Variants in MED25 observed in about 807,000 individuals in gnomAD.
The protein encoded by MED25 is mediator of RNA polymerase II transcription subunit 25.
Under a neutral mutation model 89.4 loss-of-function variants are expected in MED25, and 62 were observed. The observed-to-expected ratio is 0.69, with a 90% CI of 0.57 to 0.86. The LOEUF (loss-of-function observed/expected upper bound fraction) is 0.86. Ranked by LOEUF, MED25 falls within the 40% of genes least tolerant of loss-of-function variation. MED25 has a pLI of 0.00. For missense variants in MED25, 905 were observed against 1,005.2 expected (o/e 0.90, Z 1.35); for synonymous variants, 449 against 427.9 (o/e 1.05, Z -0.61).
rs574558795 is a variant in MED25, at chr19:49,828,433, C to T, written c.306-16C>T. 1.9e-5 allele frequency: 30 copies of T among 1,599,360 alleles called. No homozygotes were observed. The East Asian group carries it at 2.7e-4, about 14-fold the overall frequency. The stretch of plus-strand genomic sequence containing the variant: ...GATGATGGCAACCCTGGGGGCTGAC[C>T]GCTCTGCCCCTGCAGGTTCATGGGC... On this transcript the variant is annotated splice_polypyrimidine_tract_variant and intron_variant, in intron 3 of 17. Coordinates refer to ENST00000312865, the MANE Select transcript of MED25 (RefSeq NM_030973.4).
chr19:49,839,293 T>C (rs80304334), downstream of MED25: 36 of 167,246 alleles, frequency 2.2e-4, no homozygotes, highest in East Asian at 5.4e-3. Context: ...GACAGCGTCA[T>C]GACAGGGGGA....
Position 49,832,300 on chromosome 19 carries a change from TC to T in MED25, c.1375-5del. The T allele has an allele frequency of 6.3e-7, 1 of 1,592,864 alleles. No individual in the cohort carries two copies. The highest frequency in any genetic ancestry group is 8.6e-7 in the Non-Finnish European group (1 of 1,165,290). ...CAGCATGCCAGCCGACTTCTGTGTC[TC>T]CCGCAGACCACCCTGGGCCCTTTGT... On this transcript the variant is annotated splice_region_variant and splice_polypyrimidine_tract_variant and intron_variant, in intron 12 of 17. Transcript: ENST00000312865.
chr19:49,826,376 G>A (rs766612491), intron 3 of MED25, among the ~76,000 whole-genome samples: 13 of 152,208 alleles, frequency 8.5e-5, no homozygotes, highest in Non-Finnish European at 1.8e-4. Flanking sequence ...GGAAGAGGAG[G>A]GCTGGGAAGT....
chr19:49,837,402 G>A (rs1415378527), downstream of MED25, among the ~76,000 whole-genome samples: 1 of 152,262 alleles, frequency 6.6e-6, no homozygotes, highest in East Asian at 1.9e-4. Context: ...TTTGGAGCAT[G>A]AGCATGTAGG....
In MED25 at chr19:49,830,606, C is replaced by G. The variant is rs755131511; in HGVS notation, c.907+8C>G. 1 of 1,614,066 alleles carries G rather than the reference C, an allele frequency of 6.2e-7. No individual in the cohort carries two copies. The highest frequency in any genetic ancestry group is 1.7e-5 in the Admixed American group (1 of 60,026). On this transcript the variant is annotated splice_region_variant and intron_variant, in intron 8 of 17. Coordinates refer to ENST00000312865, the MANE Select transcript of MED25 (RefSeq NM_030973.4). This position sits in a 1 kb window ranked among gnomAD's most constrained non-coding sequence, Gnocchi z 4.6. Reference sequence around the variant, plus strand: ...CTGGGCTGGGCCCTCGCTGTGAGTCCTGGAGTGAGGATGAAGGGCGGGCAG... The same window carrying G: ...CTGGGCTGGGCCCTCGCTGTGAGTCGTGGAGTGAGGATGAAGGGCGGGCAG...
Position 49,830,701 on chromosome 19 carries a change from C to A in MED25, c.915C>A (p.Pro305=), listed in dbSNP as rs745821423. The change falls in exon 9 of 18, where the codon CCC becomes CCA. Residue 305 remains proline, a synonymous_variant. Coordinates refer to ENST00000312865, the MANE Select transcript of MED25 (RefSeq NM_030973.4). The surrounding 1 kb of genome is among the most constrained non-coding windows in gnomAD (Gnocchi z 4.6). ...CCTTGGTCTCTCCCACAGTCTCGCC[C>A]ATCACCCCTCTCCAACAAGCTGCTC... ...QKAGLGPRFS[P]ITPLQQAAPG... The A allele has an allele frequency of 1.9e-6, 3 of 1,614,054 alleles. No individual in the cohort carries two copies. Among genetic ancestry groups the A allele is most frequent in the Non-Finnish European group, 2.5e-6 (3 of 1,179,950 alleles).
rs145108667 is a variant in MED25 at position 49,831,661 on chromosome 19, C to G, written c.1230+200C>G. 2.4e-3 allele frequency among the ~76,000 whole-genome samples: 372 copies of G among 152,224 alleles called. 1 individual carries two copies. Among genetic ancestry groups the G allele is most frequent in the Admixed American group, 3.6e-3 (55 of 15,296 alleles). ...TGCGGTACAGAGGAGAGTCCCCATG[C>G]AAAGAACCCAGAAAAGCCCAGGATT... On this transcript the variant is annotated intron_variant, in intron 10 of 17. Coordinates refer to ENST00000312865, the MANE Select transcript of MED25 (RefSeq NM_030973.4). The surrounding 1 kb of genome is among the most constrained non-coding windows in gnomAD (Gnocchi z 5.0).
At chr19:49,822,048 G>T (rs1272717738) in intron 3 of MED25, among the ~76,000 whole-genome samples, 1 of 151,410 alleles carries the variant, frequency 6.6e-6, no homozygotes, top group African/African-American at 2.4e-5. Flanking sequence ...TGGATGATGA[G>T]GTCAGGAGAT....
At chr19:49,826,321 CAG>C (rs746363929) in intron 3 of MED25, among the ~76,000 whole-genome samples, 3 of 152,180 alleles carry the variant, frequency 2.0e-5, no homozygotes, top group Admixed American at 6.5e-5. Flanking sequence ...GCCTGGGAGA[CAG>C]AGCGAGACTC....
In MED25 at chr19:49,819,180, G is replaced by A. The variant is rs770307133; in HGVS notation, c.189G>A (p.Gly63=). The change falls in exon 3 of 18, where the codon GGG becomes GGA. Residue 63 remains glycine, a synonymous_variant. Transcript: ENST00000312865. ...CTGTCCTCCCCTCCCAGTATGGGGG[G>A]ACCCAGTACAGCCTCGTGGTGTTCA... ...AETDFGGDYG[G]TQYSLVVFNT... 1.1e-5 allele frequency: 18 copies of A among 1,614,178 alleles called. No individual in the cohort carries two copies. The highest frequency in any genetic ancestry group is 1.6e-4 in the Middle Eastern group (1 of 6,062).
chr19:49,831,034 G>A lies in MED25; in HGVS notation c.1101+147G>A. On this transcript the variant is annotated intron_variant, in intron 9 of 17. Transcript: ENST00000312865. The surrounding 1 kb of genome is among the most constrained non-coding windows in gnomAD (Gnocchi z 5.0). ...GGCTCGTGGTGTGTGTGCTGCAGATGCCTGAGATGAGGGTCTGGGGACAGA... is the reference window on the plus strand; with the variant it reads ...GGCTCGTGGTGTGTGTGCTGCAGATACCTGAGATGAGGGTCTGGGGACAGA... 1 of 957,700 alleles carries A rather than the reference G, an allele frequency of 1.0e-6. No homozygotes were observed. Among genetic ancestry groups the A allele is most frequent in the Non-Finnish European group, 1.6e-6 (1 of 610,632 alleles). 59.3% of individuals were successfully genotyped at this position (957,700 alleles called of 1,614,324 possible). A position where few individuals can be genotyped will look rare whatever the true frequency, so the allele number is the denominator to read the frequency against.
intron 3 of MED25, 80 bp from the exon 4 acceptor site, chr19:49,828,369 G>T: frequency 2.1e-6 from 2 of 957,738 alleles, no homozygotes; most frequent in South Asian, 2.6e-5. Context: ...GTGGGGGACA[G>T]CATGGGAGCA....
downstream of MED25, chr19:49,839,121 C>T (rs778263455): frequency 3.8e-6 from 1 of 263,960 alleles, no homozygotes; most frequent in Non-Finnish European, 7.4e-6. Context: ...TATTACCACC[C>T]AGTTAGCTTT....
chr19:49,823,846 C>T (rs910091593), intron 3 of MED25, among the ~76,000 whole-genome samples: 8 of 152,086 alleles, frequency 5.3e-5, no homozygotes, highest in African/African-American at 4.8e-5. Flanking sequence ...TAGTGGGGGC[C>T]GTCCTGGGTA....
In MED25 at chr19:49,831,609, C is replaced by A; in HGVS notation, c.1230+148C>A. 1 of 1,058,600 alleles carries A rather than the reference C, an allele frequency of 9.4e-7. No homozygotes were observed. The highest frequency in any genetic ancestry group is 1.3e-6 in the Non-Finnish European group (1 of 742,850). 65.6% of individuals were successfully genotyped at this position (1,058,600 alleles called of 1,614,324 possible). On this transcript the variant is annotated intron_variant, in intron 10 of 17. Coordinates refer to ENST00000312865, the MANE Select transcript of MED25 (RefSeq NM_030973.4). This position sits in a 1 kb window ranked among gnomAD's most constrained non-coding sequence, Gnocchi z 5.0. ...TGGACCTGTGGGATGCGGGGCGAGG[C>A]CAGGAGCCCCATGGAGTGGTGGGAC...
chr19:49,830,730 G>T lies in MED25; in HGVS notation c.944G>T (p.Gly315Val). Reference sequence around the variant, plus strand: ...ACCCCTCTCCAACAAGCTGCTCCCGGAGTGGGTCCCCCCTTCAGCCAGGCC... The same window carrying T: ...ACCCCTCTCCAACAAGCTGCTCCCGTAGTGGGTCCCCCCTTCAGCCAGGCC... The part of the protein sequence containing the change: ...PITPLQQAAP[G>V]VGPPFSQAPA... Residue 315 changes from glycine to valine, a missense_variant, in exon 9 of 18, where the codon GGA becomes GTA. Gly to Val is a moderately radical substitution (Grantham distance 109). Transcript: ENST00000312865. The surrounding 1 kb of genome is among the most constrained non-coding windows in gnomAD (Gnocchi z 4.6). The T allele has an allele frequency of 6.2e-7, 1 of 1,613,900 alleles. No homozygotes were observed. The highest frequency in any genetic ancestry group is 8.5e-7 in the Non-Finnish European group (1 of 1,179,948).
At chr19:49,821,103 G>A (rs1430904550) in intron 3 of MED25, among the ~76,000 whole-genome samples, 1 of 152,236 alleles carries the variant, frequency 6.6e-6, no homozygotes, top group Admixed American at 6.5e-5. Context: ...CAATAGTCAG[G>A]AGGTCGGCAG....
At chr19:49,837,068 C>T, downstream of MED25, 2 of 830,066 alleles carry the variant, frequency 2.4e-6, no homozygotes, top group Admixed American at 2.0e-5. Flanking sequence ...CTTCAGCAGA[C>T]ATCCCTGGGG....
Position 49,834,679 on chromosome 19 carries a change from C to A in MED25, c.1483-307C>A, listed in dbSNP as rs965357897. ...CTCAGCCGCCCTCTGAGGAGGCCGC[C>A]GTGGCATTTTATGCCCAAGAAACTG... On this transcript the variant is annotated intron_variant, in intron 13 of 17. Transcript: ENST00000312865. The surrounding 1 kb of genome is among the most constrained non-coding windows in gnomAD (Gnocchi z 4.1). 4 of 453,796 alleles carry A rather than the reference C, an allele frequency of 8.8e-6. No homozygotes were observed. Among genetic ancestry groups the A allele is most frequent in the Non-Finnish European group, 1.6e-5 (4 of 244,194 alleles). The allele number at this position is 453,796 out of a possible 1,614,324, so 28.1% of individuals were successfully genotyped here. A position where few individuals can be genotyped will look rare whatever the true frequency, so the allele number is the denominator to read the frequency against.
Sources: gnomAD v4.1 joint callset for allele counts (sites outside exome capture counted in the v4.1 genomes callset) on GRCh38, gnomAD v4.1.1 for gene constraint, Gnocchi (gnomAD v3.1) non-coding constraint, MANE v1.5 for transcripts, NCBI Gene and HGNC (gene_info 2026-07-23, HGNC 2026-07-21) for gene names.